The following ARMH3 variants were observed in gnomAD, a reference collection of about 807,000 sequenced individuals.
The protein encoded by ARMH3 is armadillo like helical domain containing 3.
ARMH3 carries 60 observed loss-of-function variants against 99.1 expected under a neutral mutation model. The ratio of observed to expected loss-of-function variants is 0.61; its 90% CI spans 0.49 to 0.75. The LOEUF (loss-of-function observed/expected upper bound fraction) is 0.75, where lower values mean the gene tolerates loss of function less well. ARMH3 is among the 30% of genes least tolerant of loss of function. The pLI is 0.00. For missense variants in ARMH3, 679 were observed against 843.1 expected, an observed-to-expected ratio of 0.81 and a Z score of 2.41; for synonymous variants, 285 against 292.8, an observed-to-expected ratio of 0.97 and a Z score of 0.27.
intron 1 of ARMH3, among the ~76,000 whole-genome samples, chr10:102,044,036 C>A (rs2067483983): frequency 6.6e-6 from 1 of 151,796 alleles, no homozygotes; most frequent in South Asian, 2.1e-4. Context: ...TGTGCCTCAG[C>A]CTTGTGAGTA....
chr10:101,889,150 T>G (rs190367495), intron 24 of ARMH3, among the ~76,000 whole-genome samples: 2 of 152,370 alleles, frequency 1.3e-5, no homozygotes, highest in East Asian at 3.9e-4. Flanking sequence ...AAATGCCTTA[T>G]CACACTCTAA....
At chr10:101,885,257 T>A (rs2067513078) in intron 24 of ARMH3, among the ~76,000 whole-genome samples, 1 of 152,204 alleles carries the variant, frequency 6.6e-6, no homozygotes, top group African/African-American at 2.4e-5. Flanking sequence ...AATTATCCTG[T>A]GATCCAGCAA....
chr10:101,949,412 A>G (rs1844691939), intron 22 of ARMH3, among the ~76,000 whole-genome samples: 3 of 152,112 alleles, frequency 2.0e-5, no homozygotes, highest in Admixed American at 2.0e-4. Context: ...GAAGCTAAGT[A>G]CAGACCCTAC....
In ARMH3 at chr10:101,975,478, C is replaced by T. The variant is rs138055796; in HGVS notation, c.1407-178G>A. Among the ~76,000 whole-genome samples the T allele has an allele frequency of 3.3e-3, 505 of 152,264 alleles. 1 individual carries two copies. The highest frequency in any genetic ancestry group is 0.01 in the Middle Eastern group (3 of 294). On this transcript the variant is annotated intron_variant, in intron 19 of 25. Coordinates refer to ENST00000370033, the MANE Select transcript of ARMH3 (RefSeq NM_024541.3). ...GGGCATGGTGGCTCACACCTGTAAT[C>T]CTAGCACTTTAGGAGGCCAAGGCAG...
intron 19 of ARMH3, among the ~76,000 whole-genome samples, chr10:101,981,360 A>C (rs1050139817): frequency 6.6e-6 from 1 of 152,160 alleles, no homozygotes; most frequent in African/African-American, 2.4e-5. Flanking sequence ...TTGGTGGCTC[A>C]CGCCTGTAAT....
chr10:101,962,550 G>A (rs1190561847), intron 20 of ARMH3, among the ~76,000 whole-genome samples: 1 of 152,182 alleles, frequency 6.6e-6, no homozygotes, highest in Non-Finnish European at 1.5e-5. Context: ...TTAGGTGCTT[G>A]CTAGGTGCTA....
At chr10:101,917,811 T>C (rs1417936385) in intron 23 of ARMH3, among the ~76,000 whole-genome samples, 1 of 152,220 alleles carries the variant, frequency 6.6e-6, no homozygotes, top group Non-Finnish European at 1.5e-5. Flanking sequence ...ATTAATACTT[T>C]GTTTACTTTC....
Position 101,960,103 on chromosome 10 carries a change from G to A in ARMH3, c.1496-2371C>T, listed in dbSNP as rs1289765852. 7.9e-5 allele frequency among the ~76,000 whole-genome samples: 12 copies of A among 152,100 alleles called. No homozygotes were observed. In the East Asian group the frequency reaches 9.6e-4, roughly 12 times the overall value. Reference sequence around the variant, plus strand: ...TGAGGCAGAAGAATTGCTTAAACCCGGGAGGCGGAGGCTGCAGTGAGCCGA... The same window carrying A: ...TGAGGCAGAAGAATTGCTTAAACCCAGGAGGCGGAGGCTGCAGTGAGCCGA... On this transcript the variant is annotated intron_variant, in intron 20 of 25. Transcript: ENST00000370033.
At chr10:102,030,148 T>C (rs1242671859) in intron 4 of ARMH3, among the ~76,000 whole-genome samples, 2 of 152,016 alleles carry the variant, frequency 1.3e-5, no homozygotes, top group Non-Finnish European at 2.9e-5. Flanking sequence ...CTCCAACACC[T>C]GGGCTCCAGT....
intron 6 of ARMH3, 103 bp downstream of exon 6, chr10:102,025,053 T>G (rs2066971095): frequency 1.0e-5 from 10 of 972,540 alleles, no homozygotes; most frequent in Non-Finnish European, 1.3e-5. Flanking sequence ...ATACCCTCAT[T>G]GAGAATATTT....
At chr10:101,885,331 C>T (rs577736998) in intron 24 of ARMH3, among the ~76,000 whole-genome samples, 3 of 152,254 alleles carry the variant, frequency 2.0e-5, no homozygotes, top group Admixed American at 6.5e-5. Context: ...AGTTGTAATA[C>T]GCCAATGTTC....
chr10:102,027,294 AAAAG>A (rs1430993898), intron 5 of ARMH3, among the ~76,000 whole-genome samples: 1 of 151,912 alleles, frequency 6.6e-6, no homozygotes, highest in Non-Finnish European at 1.5e-5. Context: ...AAAAAAAAAA[AAAAG>A]AATGAATGAA....
At chr10:102,028,346 C>T (rs1317547471) in intron 5 of ARMH3, among the ~76,000 whole-genome samples, 1 of 152,042 alleles carries the variant, frequency 6.6e-6, no homozygotes, top group Non-Finnish European at 1.5e-5. Context: ...GCCAGGAGTT[C>T]AAGACCAGCT....
chr10:101,958,160 C>T (rs1012843742), intron 20 of ARMH3, among the ~76,000 whole-genome samples: 2 of 152,158 alleles, frequency 1.3e-5, no homozygotes, highest in Non-Finnish European at 2.9e-5. Flanking sequence ...TTTCAGACAT[C>T]ATTGCTAAGA....
chr10:102,006,653 G>C lies in ARMH3; in HGVS notation c.955-20C>G. The stretch of plus-strand genomic sequence containing the variant: ...ATGGCTCTGAAAAAGATACACAGAT[G>C]TGTAAGAAAACAGAAAATCCAGTTC... On this transcript the variant is annotated intron_variant, in intron 13 of 25. Coordinates refer to ENST00000370033, the MANE Select transcript of ARMH3 (RefSeq NM_024541.3). 6.2e-7 allele frequency: 1 copy of C among 1,607,084 alleles called. No individual in the cohort carries two copies.
At chr10:102,037,555 T>A (rs2067307151) in intron 2 of ARMH3, among the ~76,000 whole-genome samples, 1 of 152,022 alleles carries the variant, frequency 6.6e-6, no homozygotes. Flanking sequence ...TCCTCATTTT[T>A]AAATTAATTA....
chr10:101,955,115 C>T (rs1330826867), intron 22 of ARMH3, among the ~76,000 whole-genome samples: 2 of 152,156 alleles, frequency 1.3e-5, no homozygotes, highest in Non-Finnish European at 2.9e-5. Context: ...GCAAACCACA[C>T]TAGGGTAACC....
intron 16 of ARMH3, 22 bp downstream of exon 16, chr10:101,995,275 G>C: frequency 6.2e-7 from 1 of 1,606,066 alleles, no homozygotes; most frequent in Non-Finnish European, 8.5e-7. Flanking sequence ...CTGCCTAATA[G>C]CAGAAGGCTC....
At chr10:101,852,675 GA>G (rs2066631224) in intron 24 of ARMH3, among the ~76,000 whole-genome samples, 2 of 151,912 alleles carry the variant, frequency 1.3e-5, no homozygotes, top group South Asian at 4.2e-4. Context: ...CTTGAACCTG[GA>G]AGGCAGAGGA....
Sources: gnomAD v4.1 joint callset for allele counts (sites outside exome capture counted in the v4.1 genomes callset) on GRCh38, gnomAD v4.1.1 for gene constraint, MANE v1.5 for transcripts, NCBI Gene and HGNC (gene_info 2026-07-23, HGNC 2026-07-21) for gene names.